Variants in CD109 observed in about 807,000 individuals in gnomAD.
The protein encoded by CD109 is CD109 antigen.
In CD109, 149 loss-of-function variants were observed where a neutral mutation model predicts 165.8. The observed-to-expected ratio is 0.90, with a 90% CI of 0.79 to 1.03. The LOEUF (loss-of-function observed/expected upper bound fraction) is 1.03. CD109 is among the 50% of genes least tolerant of loss of function. The pLI, the probability that CD109 is intolerant of heterozygous loss-of-function variation, is 0.00. For missense variants in CD109, 1,712 were observed against 1,677.8 expected (o/e 1.02, Z -0.36); for synonymous variants, 585 against 592.1 (o/e 0.99, Z 0.18).
Position 73,762,456 on chromosome 6 carries a change from G to A in CD109, c.831G>A (p.Lys277=), listed in dbSNP as rs1473841188. ...TACCTTTATCCTTTTGGGGAAAGAA[G>A]AAAAATATTACAAAAACATTTAAGG... is the stretch of plus-strand genomic sequence containing the variant. ...TFLPLSFWGK[K]KNITKTFKIN... The change falls in exon 8 of 33, where the codon AAG becomes AAA. Residue 277 remains lysine (K), a synonymous_variant. Coordinates refer to ENST00000287097, the MANE Select transcript of CD109 (RefSeq NM_133493.5). 10 of 1,608,834 alleles carry A rather than the reference G, an allele frequency of 6.2e-6. No individual in the cohort carries two copies. In the East Asian group the frequency reaches 2.2e-4, roughly 36 times the overall value.
At chr6:73,696,104 C>T, upstream of CD109, 2 of 1,052,710 alleles carry the variant, frequency 1.9e-6, no homozygotes, top group Non-Finnish European at 2.8e-6. Flanking sequence ...TTTCAGATTA[C>T]TAAACTCGAA....
intron 14 of CD109, 78 bp from the exon 15 acceptor site, chr6:73,771,351 T>G: frequency 9.0e-7 from 1 of 1,116,896 alleles, no homozygotes; most frequent in Non-Finnish European, 1.3e-6. Context: ...TGCTATATTT[T>G]GGGCCAGTGG....
chr6:73,806,764 G>T, intron 24 of CD109, 80 bp from the exon 25 acceptor site: 1 of 918,610 alleles, frequency 1.1e-6, no homozygotes, highest in Non-Finnish European at 1.7e-6. Flanking sequence ...GGGAAAAAGT[G>T]TTGTTGTTTT....
intron 15 of CD109, among the ~76,000 whole-genome samples, chr6:73,776,735 T>G (rs1014392813): frequency 1.3e-5 from 2 of 151,700 alleles, no homozygotes; most frequent in Middle Eastern, 3.4e-3. Context: ...TTTTTGTATT[T>G]TAATAGAGAC....
intron 23 of CD109, among the ~76,000 whole-genome samples, chr6:73,797,393 A>T (rs1240218487): frequency 6.6e-6 from 1 of 152,238 alleles, no homozygotes; most frequent in Non-Finnish European, 1.5e-5. Flanking sequence ...AGTCTAATTG[A>T]AAACACTATA....
intron 32 of CD109, among the ~76,000 whole-genome samples, chr6:73,821,659 G>C (rs1776110971): frequency 6.6e-6 from 1 of 152,148 alleles, no homozygotes; most frequent in Non-Finnish European, 1.5e-5. Context: ...CTTATAAGTG[G>C]GAGCTGAACA....
Position 73,763,575 on chromosome 6 carries a change from G to A in CD109, c.998-1G>A. On this transcript the variant is annotated splice_acceptor_variant, in intron 9 of 32. Coordinates refer to ENST00000287097, the MANE Select transcript of CD109 (RefSeq NM_133493.5). LOFTEE classifies it high-confidence loss of function. Reference sequence around the variant, plus strand: ...TCTAAATTGTGCAATTTCCAAAAAAGGTATTTCAAGAAATGTAAGCACTAA... The same window carrying A: ...TCTAAATTGTGCAATTTCCAAAAAAAGTATTTCAAGAAATGTAAGCACTAA... 2.0e-6 allele frequency: 3 copies of A among 1,516,860 alleles called. No individual in the cohort carries two copies. The highest frequency in any genetic ancestry group is 1.3e-5 in the South Asian group (1 of 78,438). 94.0% of individuals were successfully genotyped at this position (1,516,860 alleles called of 1,614,324 possible). A position where few individuals can be genotyped will look rare whatever the true frequency, so the allele number is the denominator to read the frequency against.
At chr6:73,787,110 T>A (rs1257062645) in intron 20 of CD109, 124 bp from the exon 21 acceptor site, 2 of 632,454 alleles carry the variant, frequency 3.2e-6, no homozygotes, top group Admixed American at 3.0e-5. Context: ...TGGTCGAATC[T>A]TTGTCTCATC....
chr6:73,796,583 T>C (rs1582174755), intron 23 of CD109, among the ~76,000 whole-genome samples: 1 of 152,312 alleles, frequency 6.6e-6, no homozygotes, highest in East Asian at 1.9e-4. Context: ...TCTGTGACAG[T>C]GGGGACCATG....
chr6:73,696,063 A>G (rs754263417), upstream of CD109: 8 of 673,128 alleles, frequency 1.2e-5, no homozygotes, highest in Admixed American at 2.3e-5. Context: ...GTCTCAATTT[A>G]GATCTCTCAC....
chr6:73,790,390 C>T (rs1562070369), intron 22 of CD109, among the ~76,000 whole-genome samples: 1 of 152,272 alleles, frequency 6.6e-6, no homozygotes, highest in African/African-American at 2.4e-5. Flanking sequence ...GCCATTGCGC[C>T]CAGCCTAAAA....
At chr6:73,681,324 TTG>T in the CD109 span, among the ~76,000 whole-genome samples, 5,032 of 145,396 alleles carry the variant, frequency 0.035, 189 homozygotes, top group African/African-American at 0.098. Flanking sequence ...CAGTTACCAT[TTG>T]TGTGTGTGTG....
intron 23 of CD109, among the ~76,000 whole-genome samples, chr6:73,796,001 T>G (rs553253937): frequency 8.7e-4 from 132 of 151,256 alleles, no homozygotes; most frequent in African/African-American, 2.8e-3. Context: ...AACTAGGGAG[T>G]TAGAGGTTAA....
At chr6:73,763,067 A>G (rs12525880) in intron 9 of CD109, among the ~76,000 whole-genome samples, 185 bp downstream of exon 9, 263 of 152,282 alleles carry the variant, frequency 1.7e-3, no homozygotes, top group Middle Eastern at 0.01. Context: ...CTTATTTTCT[A>G]TGAAAGTCAC....
intron 15 of CD109, among the ~76,000 whole-genome samples, chr6:73,777,953 G>A (rs1467216571): frequency 6.6e-6 from 1 of 152,122 alleles, no homozygotes; most frequent in African/African-American, 2.4e-5. Flanking sequence ...TGTGAAGAAT[G>A]TAGTAGTTTA....
upstream of CD109, chr6:73,694,350 T>C (rs1057453490): frequency 6.6e-6 from 1 of 152,200 alleles, no homozygotes; most frequent in Admixed American, 6.5e-5. Flanking sequence ...ACTACGCCTT[T>C]CGACAAGTGT....
chr6:73,709,410 A>G (rs1010946086), intron 2 of CD109, among the ~76,000 whole-genome samples: 2 of 152,152 alleles, frequency 1.3e-5, no homozygotes, highest in Non-Finnish European at 2.9e-5. Flanking sequence ...GTAGCCTCGT[A>G]GTATAGTTTG....
At chr6:73,714,966 G>C (rs1271077161) in intron 2 of CD109, among the ~76,000 whole-genome samples, 1 of 152,192 alleles carries the variant, frequency 6.6e-6, no homozygotes, top group African/African-American at 2.4e-5. Context: ...GAAAACAATG[G>C]TGAGGCACAA....
the CD109 span, among the ~76,000 whole-genome samples, chr6:73,685,434 C>CA: frequency 2.6e-5 from 4 of 151,190 alleles, no homozygotes; most frequent in South Asian, 2.1e-4. Flanking sequence ...GTGTTATATG[C>CA]AAAAAAACAT....
Sources: gnomAD v4.1 joint callset for allele counts (sites outside exome capture counted in the v4.1 genomes callset) on GRCh38, gnomAD v4.1.1 for gene constraint, MANE v1.5 for transcripts, NCBI Gene and HGNC (gene_info 2026-07-23, HGNC 2026-07-21) for gene names.